Variants in EP400 observed in about 807,000 individuals in gnomAD.
EP400 encodes the protein E1A-binding protein p400.
EP400 carries 105 observed loss-of-function variants against 354.1 expected under a neutral mutation model. The observed-to-expected ratio is 0.30, with a 90% CI of 0.25 to 0.35. The LOEUF (loss-of-function observed/expected upper bound fraction) is 0.35. Ranked by LOEUF, EP400 falls within the 10% of genes least tolerant of loss-of-function variation. The pLI, the probability that EP400 is intolerant of heterozygous loss-of-function variation, is 1.00. For synonymous variants in EP400, 1,646 were observed against 1,716.9 expected, an observed-to-expected ratio of 0.96 and a Z score of 1.02; for missense variants, 3,280 against 4,121.0, an observed-to-expected ratio of 0.80 and a Z score of 5.59.
chr12:132,012,447 G>A (rs1322937392), intron 16 of EP400, among the ~76,000 whole-genome samples: 1 of 152,164 alleles, frequency 6.6e-6, no homozygotes, highest in Non-Finnish European at 1.5e-5. Context: ...AAGGGCAAAA[G>A]GGTCCAAGCT....
intron 1 of EP400, among the ~76,000 whole-genome samples, chr12:131,959,838 G>A (rs946929953): frequency 6.6e-6 from 1 of 152,220 alleles, no homozygotes; most frequent in African/African-American, 2.4e-5. Flanking sequence ...AGCCTCCCCA[G>A]GGCAAGGACT....
intron 5 of EP400, among the ~76,000 whole-genome samples, chr12:131,983,167 G>T (rs1342201786): frequency 6.6e-6 from 1 of 152,090 alleles, no homozygotes; most frequent in Non-Finnish European, 1.5e-5. Context: ...AGAGGTTCTG[G>T]GGCTGGCCCC....
In EP400 at chr12:132,050,542, C is replaced by A. The variant is rs765003614; in HGVS notation, c.7338-57C>A. 16 of 1,613,002 alleles carry A rather than the reference C, an allele frequency of 9.9e-6. No individual in the cohort carries two copies. Among genetic ancestry groups the A allele is most frequent in the African/African-American group, 2.7e-5 (2 of 74,870 alleles). ...TTGGTTTTGATGTGTTTTTAACATA[C>A]CCTTCTTCAGATATTTCCTTTATTT... is the stretch of plus-strand genomic sequence containing the variant. On this transcript the variant is annotated intron_variant, in intron 40 of 52. Coordinates refer to ENST00000389561, the MANE Select transcript of EP400 (RefSeq NM_015409.5). The surrounding 1 kb of genome is among the most constrained non-coding windows in gnomAD (Gnocchi z 4.8).
chr12:132,079,313 A>T lies in EP400; in HGVS notation c.*1640A>T, dbSNP rs913243560. ...ATCTTTTAGTTAGTTGAACATACCAAAGCAGAGGACTGGAATCTGTTTGTT... is the reference window on the plus strand; with the variant it reads ...ATCTTTTAGTTAGTTGAACATACCATAGCAGAGGACTGGAATCTGTTTGTT... On this transcript the variant is annotated 3_prime_UTR_variant, in exon 53 of 53. Coordinates refer to ENST00000389561, the MANE Select transcript of EP400 (RefSeq NM_015409.5). 2.0e-5 allele frequency: 3 copies of T among 152,266 alleles called. No homozygotes were observed. Among genetic ancestry groups the T allele is most frequent in the African/African-American group, 4.8e-5 (2 of 41,476 alleles). 9.4% of individuals were successfully genotyped at this position (152,266 alleles called of 1,614,324 possible).
rs78705042 is a variant in EP400, at chr12:132,038,736, C to T, written c.6207+640C>T. On this transcript the variant is annotated intron_variant, in intron 32 of 52. Coordinates refer to ENST00000389561, the MANE Select transcript of EP400 (RefSeq NM_015409.5). The surrounding 1 kb of genome is among the most constrained non-coding windows in gnomAD (Gnocchi z 4.2). ...GTGTAGACATGTCACAGACCCGTCA[C>T]GGGGCCGCTGTTCCCTCCCTGTCCC... 6.2e-4 allele frequency among the ~76,000 whole-genome samples: 95 copies of T among 152,318 alleles called. 1 individual carries two copies. In the East Asian group the frequency reaches 0.014, roughly 23 times the overall value.
chr12:132,037,390 A>G (rs1894754385), intron 30 of EP400, among the ~76,000 whole-genome samples: 1 of 152,206 alleles, frequency 6.6e-6, no homozygotes, highest in South Asian at 2.1e-4. Flanking sequence ...ACCAGGTGGG[A>G]CATTTCCAGG....
intron 1 of EP400, among the ~76,000 whole-genome samples, chr12:131,951,069 T>C (rs1460329043): frequency 1.9e-5 from 2 of 104,504 alleles, no homozygotes; most frequent in African/African-American, 7.3e-5. Context: ...CTGGCTATTT[T>C]TTTTTTTTTT....
At chr12:132,023,664 G>A (rs1314045732) in intron 23 of EP400, 113 bp from the exon 24 acceptor site, 1 of 886,994 alleles carries the variant, frequency 1.1e-6, no homozygotes, top group African/African-American at 1.8e-5. Context: ...CATTTCTGTG[G>A]TGCTTCAGTT....
chr12:132,042,923 G>T (rs1345112408), intron 32 of EP400, among the ~76,000 whole-genome samples: 1 of 152,374 alleles, frequency 6.6e-6, no homozygotes, highest in Admixed American at 6.5e-5. Context: ...TGCTGTGTCT[G>T]TCAGGAGCTG....
chr12:132,014,381 C>T (rs764708653), intron 19 of EP400, among the ~76,000 whole-genome samples: 5 of 152,262 alleles, frequency 3.3e-5, no homozygotes, highest in Non-Finnish European at 5.9e-5. Flanking sequence ...GCAATGCACA[C>T]CATGTGATGG....
rs1894002559 is a variant in EP400 at position 132,018,027 on chromosome 12, G to T, written c.4111-183G>T. Among the ~76,000 whole-genome samples the T allele has an allele frequency of 6.6e-6, 1 of 152,248 alleles. No homozygotes were observed. Among genetic ancestry groups the T allele is most frequent in the Non-Finnish European group, 1.5e-5 (1 of 68,052 alleles). The stretch of plus-strand genomic sequence containing the variant: ...CTGAGCATGCACGCTCATCAGCAGA[G>T]CTTCACCAAGGGTGTGGCAGCACCT... On this transcript the variant is annotated intron_variant, in intron 20 of 52. Coordinates refer to ENST00000389561, the MANE Select transcript of EP400 (RefSeq NM_015409.5). The surrounding 1 kb of genome is among the most constrained non-coding windows in gnomAD (Gnocchi z 4.0).
At position 132,062,131 on chromosome 12, in the gene EP400, G is replaced by A. The variant is rs925437449; in HGVS notation, c.7906G>A (p.Ala2636Thr). Residue 2636 changes from alanine (A) to threonine (T), a missense_variant, in exon 46 of 53, where the codon GCC becomes ACC. Coordinates refer to ENST00000389561, the MANE Select transcript of EP400 (RefSeq NM_015409.5). Reference protein sequence around the residue: ...ALTTPGGSAPAQVVHTQPPPR... With the variant: ...ALTTPGGSAPTQVVHTQPPPR... ...CTAGACGCCGGGAGGCTCTGCTCCC[G>A]CCCAGGTGGTGCACACCCAGCCCCC... 2.0e-5 allele frequency: 32 copies of A among 1,613,146 alleles called. No homozygotes were observed. Among genetic ancestry groups the A allele is most frequent in the Admixed American group, 1.7e-4 (10 of 59,982 alleles).
chr12:132,078,839 ACGAAGC>A lies in EP400; in HGVS notation c.*1168_*1173del, dbSNP rs898661730. On this transcript the variant is annotated 3_prime_UTR_variant, in exon 53 of 53. Coordinates refer to ENST00000389561, the MANE Select transcript of EP400 (RefSeq NM_015409.5). ...GGAAGGCGTGCCGTTGAGGGGGAAA[ACGAAGC>A]CCAGTATTTGCTACTGTTTTTCCTT... is the stretch of plus-strand genomic sequence containing the variant. 6.6e-6 allele frequency: 1 copy of A among 152,232 alleles called. No homozygotes were observed. Among genetic ancestry groups the A allele is most frequent in the African/African-American group, 2.4e-5 (1 of 41,450 alleles). 9.4% of individuals were successfully genotyped at this position (152,232 alleles called of 1,614,324 possible).
chr12:131,978,440 T>C (rs1035380637), intron 2 of EP400, among the ~76,000 whole-genome samples: 1 of 152,242 alleles, frequency 6.6e-6, no homozygotes, highest in Non-Finnish European at 1.5e-5. Context: ...TTTTTGTCTC[T>C]ATAGTTTTGC....
At position 132,077,517 on chromosome 12, in the gene EP400, G is replaced by A. The variant is rs1225125872; in HGVS notation, c.9216G>A (p.Gln3072=). ...QVVQQKLIQQ[Q]VVTTASAPLQ... ...TTCAGCAGAAACTCATTCAGCAGCA[G>A]GTGGTGACCACGGCGTCGGCCCCGC... Residue 3072 remains glutamine, a synonymous_variant, in exon 53 of 53, where the codon CAG becomes CAA. Coordinates refer to ENST00000389561, the MANE Select transcript of EP400 (RefSeq NM_015409.5). The A allele has an allele frequency of 6.2e-7, 1 of 1,613,754 alleles. No homozygotes were observed. The highest frequency in any genetic ancestry group is 8.5e-7 in the Non-Finnish European group (1 of 1,180,030).
At chr12:131,953,773 G>T (rs2136458443) in intron 1 of EP400, among the ~76,000 whole-genome samples, 1 of 152,206 alleles carries the variant, frequency 6.6e-6, no homozygotes, top group African/African-American at 2.4e-5. Flanking sequence ...AGTATTTTTT[G>T]TAACATTTAT....
chr12:132,062,009 C>T (rs1369471744), intron 45 of EP400, 101 bp from the exon 46 acceptor site: 10 of 972,040 alleles, frequency 1.0e-5, no homozygotes, highest in Admixed American at 2.1e-5. Flanking sequence ...TCACTTGTTT[C>T]GCCTCTGAAG....
chr12:132,044,381 T>G, intron 35 of EP400, 70 bp downstream of exon 35: 1 of 1,551,316 alleles, frequency 6.4e-7, no homozygotes, highest in Non-Finnish European at 8.7e-7. Context: ...CATGTTTGGC[T>G]TGTTCAAAGT....
intron 3 of EP400, among the ~76,000 whole-genome samples, chr12:131,980,535 A>C (rs1045307925): frequency 6.6e-6 from 1 of 151,492 alleles, no homozygotes; most frequent in East Asian, 1.9e-4. Flanking sequence ...TTTTTCCTAC[A>C]TGTTTATCAG....
Sources: gnomAD v4.1 joint callset for allele counts (sites outside exome capture counted in the v4.1 genomes callset) on GRCh38, gnomAD v4.1.1 for gene constraint, Gnocchi (gnomAD v3.1) non-coding constraint, MANE v1.5 for transcripts, NCBI Gene and HGNC (gene_info 2026-07-23, HGNC 2026-07-21) for gene names.